ZSCAN12: variants seen among roughly 807,000 people sequenced by gnomAD.
The protein encoded by ZSCAN12 is zinc finger and SCAN domain-containing protein 12.
Under a neutral mutation model 23.4 loss-of-function variants are expected in ZSCAN12, and 18 were observed. The ratio of observed to expected loss-of-function variants is 0.77; its 90% CI spans 0.53 to 1.14. ZSCAN12 has a LOEUF of 1.14. Among genes scored for constraint, ZSCAN12 ranks in the 50% most tolerant of loss-of-function variants. ZSCAN12 has a pLI of 0.00. For missense variants in ZSCAN12, 650 were observed against 735.0 expected, an observed-to-expected ratio of 0.88 and a Z score of 1.34; for synonymous variants, 186 against 253.4, an observed-to-expected ratio of 0.73 and a Z score of 2.53.
downstream of ZSCAN12, chr6:28,379,784 G>A (rs989956359): frequency 3.9e-5 from 6 of 151,930 alleles, no homozygotes; most frequent in African/African-American, 1.5e-4. Flanking sequence ...TTATGTCCTA[G>A]GGTACCAATA....
rs1243258453 is a variant in ZSCAN12 at position 28,388,532 on chromosome 6, G to A, written c.*1922C>T. ...TCTATACAGGGTTTATGGCTAGAGA[G>A]GCAAGAGACAGGGGCACTAAGAAAA... is the stretch of plus-strand genomic sequence containing the variant. On this transcript the variant is annotated 3_prime_UTR_variant, in exon 4 of 4. Transcript: ENST00000684592. Among the ~76,000 whole-genome samples the A allele has an allele frequency of 6.6e-6, 1 of 152,174 alleles. No individual in the cohort carries two copies. Among genetic ancestry groups the A allele is most frequent in the Non-Finnish European group, 1.5e-5 (1 of 68,038 alleles).
rs2113972581 is a variant in ZSCAN12 at position 28,388,448 on chromosome 6, A to G, written c.*2006T>C. On this transcript the variant is annotated 3_prime_UTR_variant, in exon 4 of 4. Transcript: ENST00000684592. Reference sequence around the variant, plus strand: ...ATGTGTTCATATTTACAACTTAGCTAGAAACATAATATTCCTATAGGACCA... The same window carrying G: ...ATGTGTTCATATTTACAACTTAGCTGGAAACATAATATTCCTATAGGACCA... Among the ~76,000 whole-genome samples the G allele has an allele frequency of 6.6e-6, 1 of 152,308 alleles. No homozygotes were observed. Among genetic ancestry groups the G allele is most frequent in the Non-Finnish European group, 1.5e-5 (1 of 68,028 alleles).
Position 28,392,946 on chromosome 6 carries a change from TG to T in ZSCAN12, c.502del (p.Gln168SerfsTer17). On this transcript the variant is annotated frameshift_variant, in exon 3 of 4. Transcript: ENST00000684592. LOFTEE classifies it low-confidence loss of function (END_TRUNC). Reference protein sequence around the residue: ...PSMSLQSMKAQPKYESPELES... With the variant: ...PSMSLQSMKAXPKYESPELES... Reference sequence around the variant, plus strand: ...AAGTTCTGGAGATTCATACTTTGGCTGGGCTTTCATGGACTGGAGGGACATA... The same window carrying T: ...AAGTTCTGGAGATTCATACTTTGGCTGGCTTTCATGGACTGGAGGGACATA... 1 of 1,552,290 alleles carries T rather than the reference TG, an allele frequency of 6.4e-7. No individual in the cohort carries two copies. The highest frequency in any genetic ancestry group is 1.2e-5 in the South Asian group (1 of 84,056).
Position 28,385,972 on chromosome 6 carries a change from A to G in ZSCAN12, c.*4482T>C, listed in dbSNP as rs1053826859. On this transcript the variant is annotated 3_prime_UTR_variant, in exon 4 of 4. Coordinates refer to ENST00000684592, the MANE Select transcript of ZSCAN12 (RefSeq NM_001163391.2). ...ATGTCTCAATTTGGAGCCCTGCTCA[A>G]TCCCACTGTCTTTCCTCATTAGCTT... 6.6e-6 allele frequency among the ~76,000 whole-genome samples: 1 copy of G among 152,234 alleles called. No homozygotes were observed. The highest frequency in any genetic ancestry group is 1.5e-5 in the Non-Finnish European group (1 of 68,046).
chr6:28,398,014 G>C lies in ZSCAN12; in HGVS notation c.392C>G (p.Pro131Arg), dbSNP rs1200938043. ...CATCTTTTTTCTCACCTGCTCTCCT[G>C]GTTCATCCAGTTCTCTCTCTAAATC... ...LEDLERELDE[P>R]GEQVSVHTGE... The change falls in exon 2 of 4, where the codon CCA becomes CGA. Residue 131 changes from proline (P) to arginine (R), a missense_variant. Transcript: ENST00000684592. The C allele has an allele frequency of 6.3e-7, 1 of 1,593,076 alleles. No homozygotes were observed. The highest frequency in any genetic ancestry group is 1.4e-5 in the African/African-American group (1 of 73,912).
In ZSCAN12 at chr6:28,391,992, G is replaced by A. The variant is rs770676118; in HGVS notation, c.548-250C>T. Among the ~76,000 whole-genome samples, 16 of 152,060 alleles carry A rather than the reference G, an allele frequency of 1.1e-4. No homozygotes were observed. Among genetic ancestry groups the A allele is most frequent in the Non-Finnish European group, 1.9e-4 (13 of 68,002 alleles). Reference sequence around the variant, plus strand: ...AAGAGACTAGGTGGCTGGGAAAATCGAGTAGAATAGAAACTTTTCATTAAA... The same window carrying A: ...AAGAGACTAGGTGGCTGGGAAAATCAAGTAGAATAGAAACTTTTCATTAAA... On this transcript the variant is annotated intron_variant, in intron 3 of 3. Transcript: ENST00000684592. The surrounding 1 kb of genome is among the most constrained non-coding windows in gnomAD (Gnocchi z 4.1).
chr6:28,393,042 G>A lies in ZSCAN12; in HGVS notation c.407C>T (p.Ser136Leu). 6.4e-7 allele frequency: 1 copy of A among 1,551,472 alleles called. No homozygotes were observed. The highest frequency in any genetic ancestry group is 8.7e-7 in the Non-Finnish European group (1 of 1,146,906). Residue 136 changes from serine (S) to leucine (L), a missense_variant, in exon 3 of 4, where the codon TCA becomes TTA. Coordinates refer to ENST00000684592, the MANE Select transcript of ZSCAN12 (RefSeq NM_001163391.2). ...CATTTCCTGTTCCCCAGTGTGGACT[G>A]AGACCTGAGGAAAATGAGATGTAGC... ...RELDEPGEQV[S>L]VHTGEQEMFL...
chr6:28,389,124 G>A lies in ZSCAN12; in HGVS notation c.*1330C>T, dbSNP rs1440040095. 6.6e-6 allele frequency among the ~76,000 whole-genome samples: 1 copy of A among 152,106 alleles called. No individual in the cohort carries two copies. The highest frequency in any genetic ancestry group is 2.4e-5 in the African/African-American group (1 of 41,398). ...ATCAGTTCTCAAGAGCCATTATTAG[G>A]GAATTCAGAACATAGTGCTAACATG... On this transcript the variant is annotated 3_prime_UTR_variant, in exon 4 of 4. Coordinates refer to ENST00000684592, the MANE Select transcript of ZSCAN12 (RefSeq NM_001163391.2).
Position 28,390,829 on chromosome 6 carries a change from A to T in ZSCAN12, c.1461T>A (p.His487Gln), listed in dbSNP as rs905613702. 1.9e-6 allele frequency: 3 copies of T among 1,595,374 alleles called. No individual in the cohort carries two copies. The highest frequency in any genetic ancestry group is 2.7e-5 in the African/African-American group (2 of 74,338). ...AFIQRTSLTE[H>Q]QRIHTGERPY... Reference sequence around the variant, plus strand: ...GTCTTTCTCCAGTGTGAATTCGCTGATGTTCTGTAAGACTTGTCCTTTGAA... The same window carrying T: ...GTCTTTCTCCAGTGTGAATTCGCTGTTGTTCTGTAAGACTTGTCCTTTGAA... The change falls in exon 4 of 4, where the codon CAT becomes CAA. Residue 487 changes from histidine (H) to glutamine (Q), a missense_variant. His to Gln is a conservative substitution (Grantham distance 24). Coordinates refer to ENST00000684592, the MANE Select transcript of ZSCAN12 (RefSeq NM_001163391.2).
rs1460584027 is a variant in ZSCAN12 at position 28,391,303 on chromosome 6, C to T, written c.987G>A (p.Pro329=). 7 of 1,551,848 alleles carry T rather than the reference C, an allele frequency of 4.5e-6. No homozygotes were observed. The highest frequency in any genetic ancestry group is 2.7e-5 in the African/African-American group (2 of 73,030). The change falls in exon 4 of 4, where the codon CCG becomes CCA. Residue 329 remains proline (P), a synonymous_variant. Coordinates refer to ENST00000684592, the MANE Select transcript of ZSCAN12 (RefSeq NM_001163391.2). This position sits in a 1 kb window ranked among gnomAD's most constrained non-coding sequence, Gnocchi z 4.1. ...RHKIIHTGEK[P]YKCNECGKAF... is the part of the protein sequence containing the mutation. The stretch of plus-strand genomic sequence containing the variant: ...CTTTGCCACATTCATTACACTTATA[C>T]GGTTTCTCTCCAGTGTGTATTATTT...
chr6:28,379,183 G>C (rs1047448064), exon 5 of ZSCAN12: 1 of 152,016 alleles, frequency 6.6e-6, no homozygotes, highest in Non-Finnish European at 1.5e-5. Context: ...TTTCCTACAG[G>C]TTTTAGAACT....
intron 2 of ZSCAN12, 70 bp downstream of exon 2, chr6:28,397,934 T>G: frequency 6.9e-7 from 1 of 1,447,660 alleles, no homozygotes; most frequent in Non-Finnish European, 9.1e-7. Context: ...AAAAAATGGC[T>G]GTTCTTCACT....
rs557449869 is a variant in ZSCAN12 at position 28,390,345 on chromosome 6, T to A, written c.*109A>T. ...GCACACAGTGAATTCTTATTAAATA[T>A]CTGAGGTTTCCTTATAACAATGGTG... On this transcript the variant is annotated 3_prime_UTR_variant, in exon 4 of 4. Coordinates refer to ENST00000684592, the MANE Select transcript of ZSCAN12 (RefSeq NM_001163391.2). 68 of 843,996 alleles carry A rather than the reference T, an allele frequency of 8.1e-5. No individual in the cohort carries two copies. The highest frequency in any genetic ancestry group is 6.5e-4 in the Admixed American group (21 of 32,202). The allele number at this position is 843,996 out of a possible 1,614,324, so 52.3% of individuals were successfully genotyped here.
intron 3 of ZSCAN12, 77 bp downstream of exon 3, chr6:28,392,825 T>G (rs974066892): frequency 2.7e-6 from 4 of 1,472,592 alleles, no homozygotes; most frequent in Non-Finnish European, 3.7e-6. Context: ...TCAGAAACAG[T>G]AGCAAGTACA....
chr6:28,393,472 T>TAA (rs35790801), intron 2 of ZSCAN12, among the ~76,000 whole-genome samples: 122 of 111,860 alleles, frequency 1.1e-3, no homozygotes, highest in Admixed American at 3.1e-3. Flanking sequence ...AGAGAAATGA[T>TAA]AAAAAAAAAA....
chr6:28,398,106 C>G lies in ZSCAN12; in HGVS notation c.300G>C (p.Glu100Asp), dbSNP rs773684867. 6.2e-7 allele frequency: 1 copy of G among 1,614,144 alleles called. No homozygotes were observed. Among genetic ancestry groups the G allele is most frequent in the South Asian group, 1.1e-5 (1 of 91,082 alleles). ...GCTCCTGCACCCAGGCCTGGAGCTC[C>G]TCAGGTAGGATGGTCAGGAACTGCT... is the stretch of plus-strand genomic sequence containing the variant. ...VLEQFLTILP[E>D]ELQAWVQEQH... Residue 100 changes from glutamate (E) to aspartate (D), a missense_variant, in exon 2 of 4, where the codon GAG becomes GAC. Coordinates refer to ENST00000684592, the MANE Select transcript of ZSCAN12 (RefSeq NM_001163391.2).
At chr6:28,382,402 T>G (rs1760295477), downstream of ZSCAN12, 3 of 1,482,056 alleles carry the variant, frequency 2.0e-6, no homozygotes, top group Admixed American at 2.4e-5. Context: ...GAGTAGCAAT[T>G]TAAAGTTTGA....
At position 28,398,383 on chromosome 6, in the gene ZSCAN12, T is replaced by C; in HGVS notation, c.23A>G (p.Gln8Arg). 5.2e-6 allele frequency: 8 copies of C among 1,549,656 alleles called. No homozygotes were observed. Among genetic ancestry groups the C allele is most frequent in the Non-Finnish European group, 7.0e-6 (8 of 1,145,790 alleles). Reference sequence around the variant, plus strand: ...AGGTTCATCCTGGTCCATGTGGGCCTGGATAGCCCAAGTAGATGCCATTTT... The same window carrying C: ...AGGTTCATCCTGGTCCATGTGGGCCCGGATAGCCCAAGTAGATGCCATTTT... MASTWAI[Q>R]AHMDQDEPLE... is the part of the protein sequence containing the mutation. Residue 8 changes from glutamine to arginine, a missense_variant, in exon 2 of 4, where the codon CAG (glutamine) becomes CGG (arginine). Gln to Arg is a conservative substitution (Grantham distance 43). Coordinates refer to ENST00000684592, the MANE Select transcript of ZSCAN12 (RefSeq NM_001163391.2).
In ZSCAN12 at chr6:28,387,589, A is replaced by G. The variant is rs1760613652; in HGVS notation, c.*2865T>C. On this transcript the variant is annotated 3_prime_UTR_variant, in exon 4 of 4. Coordinates refer to ENST00000684592, the MANE Select transcript of ZSCAN12 (RefSeq NM_001163391.2). ...CAAAAGAACTACCATAACTAACTCC[A>G]TTTTTGTTTAAGGACCCTTTACCTA... Among the ~76,000 whole-genome samples the G allele has an allele frequency of 6.6e-6, 1 of 152,224 alleles. No homozygotes were observed. Among genetic ancestry groups the G allele is most frequent in the Non-Finnish European group, 1.5e-5 (1 of 68,030 alleles).
Sources: gnomAD v4.1 joint callset for allele counts (sites outside exome capture counted in the v4.1 genomes callset) on GRCh38, gnomAD v4.1.1 for gene constraint, Gnocchi (gnomAD v3.1) non-coding constraint, MANE v1.5 for transcripts, NCBI Gene and HGNC (gene_info 2026-07-23, HGNC 2026-07-21) for gene names.